Variants in GAS2 observed in about 807,000 individuals in gnomAD.
GAS2 encodes growth arrest-specific protein 2.
A neutral mutation model predicts 37.5 loss-of-function variants in GAS2; 20 were observed. The observed-to-expected ratio is 0.53, with a 90% CI of 0.37 to 0.77. GAS2 has a LOEUF of 0.77. Ranked by LOEUF, GAS2 falls within the 30% of genes least tolerant of loss-of-function variation. GAS2 has a pLI of 0.00. For synonymous variants in GAS2, 144 were observed against 132.2 expected, an observed-to-expected ratio of 1.09 and a Z score of -0.61; for missense variants, 336 against 373.4, an observed-to-expected ratio of 0.90 and a Z score of 0.82.
intron 7 of GAS2, among the ~76,000 whole-genome samples, chr11:22,797,394 C>A (rs1265956275): frequency 6.6e-6 from 1 of 152,056 alleles, no homozygotes; most frequent in East Asian, 1.9e-4. Context: ...AGGCCAGGAA[C>A]TTTTTTCTGT....
intron 1 of GAS2, among the ~76,000 whole-genome samples, chr11:22,629,625 A>G (rs1201841796): frequency 6.6e-6 from 1 of 151,670 alleles, no homozygotes. Context: ...ATGTGTATTC[A>G]TGTCATTTGC....
At chr11:22,658,205 T>A (rs1848876933) in intron 1 of GAS2, among the ~76,000 whole-genome samples, 1 of 152,022 alleles carries the variant, frequency 6.6e-6, no homozygotes, top group Admixed American at 6.6e-5. Flanking sequence ...TTTAAAATAT[T>A]TTTAGTAGAG....
chr11:22,745,576 C>T (rs750554890), intron 5 of GAS2, among the ~76,000 whole-genome samples: 4 of 151,864 alleles, frequency 2.6e-5, no homozygotes, highest in African/African-American at 7.3e-5. Context: ...GCAATTGCAA[C>T]GAAAACAAAA....
intron 3 of GAS2, chr11:22,702,673 G>A (rs1377109319): frequency 6.6e-6 from 1 of 152,104 alleles, no homozygotes; most frequent in Non-Finnish European, 1.5e-5. Context: ...GTAGCTGCTA[G>A]CCTTCTCATA....
intron 5 of GAS2, 70 bp from the exon 6 acceptor site, chr11:22,749,050 T>C (rs2134288436): frequency 2.2e-6 from 3 of 1,394,212 alleles, no homozygotes; most frequent in South Asian, 2.7e-5. Context: ...GTGCTCATCA[T>C]CACATGTAAT....
intron 5 of GAS2, among the ~76,000 whole-genome samples, chr11:22,738,834 T>G (rs906474296): frequency 6.6e-6 from 1 of 152,200 alleles, no homozygotes; most frequent in Non-Finnish European, 1.5e-5. Context: ...GAATTGTGCA[T>G]CGGGTATAAA....
chr11:22,761,807 G>A (rs550093380), intron 7 of GAS2, among the ~76,000 whole-genome samples: 2 of 152,200 alleles, frequency 1.3e-5, no homozygotes, highest in African/African-American at 4.8e-5. Context: ...ACTTCTCAAA[G>A]TTCTAAGGTA....
At chr11:22,734,768 T>C (rs2134209043) in intron 4 of GAS2, among the ~76,000 whole-genome samples, 1 of 151,844 alleles carries the variant, frequency 6.6e-6, no homozygotes, top group South Asian at 2.1e-4. Flanking sequence ...CCTCCCAAAA[T>C]AATATGACCA....
At position 22,731,594 on chromosome 11, in the gene GAS2, T is replaced by C. The variant is rs1314257130; in HGVS notation, c.409+5161T>C. Reference sequence around the variant, plus strand: ...TTTTGCTTCAGGGGCAAACATTGTCTACCTGAAGTAAAAAGGTTTGTGTGT... The same window carrying C: ...TTTTGCTTCAGGGGCAAACATTGTCCACCTGAAGTAAAAAGGTTTGTGTGT... On this transcript the variant is annotated intron_variant, in intron 4 of 7. Transcript: ENST00000454584. Among the ~76,000 whole-genome samples the C allele has an allele frequency of 2.0e-5, 3 of 151,822 alleles. No homozygotes were observed. In the East Asian group the frequency reaches 5.8e-4, roughly 29 times the overall value.
intron 7 of GAS2, among the ~76,000 whole-genome samples, chr11:22,795,305 T>C (rs1389672948): frequency 6.6e-6 from 1 of 152,072 alleles, no homozygotes. Context: ...CTGGGAGGGA[T>C]TAGACTGTAC....
At chr11:22,811,703 C>A in intron 7 of GAS2, 95 bp from the exon 8 acceptor site, 1 of 1,214,574 alleles carries the variant, frequency 8.2e-7, no homozygotes, top group Non-Finnish European at 1.2e-6. Flanking sequence ...TCATGAAATA[C>A]AAACCAAAAC....
chr11:22,751,861 C>A (rs889509876), intron 6 of GAS2, among the ~76,000 whole-genome samples: 1 of 151,902 alleles, frequency 6.6e-6, no homozygotes, highest in Non-Finnish European at 1.5e-5. Context: ...CAATAGTAAG[C>A]CAGTCAGTCA....
At chr11:22,637,263 ATTAATTATATTAATAGTATACTAATAT>A (rs1565060660) in intron 1 of GAS2, among the ~76,000 whole-genome samples, 11 of 82,164 alleles carry the variant, frequency 1.3e-4, no homozygotes, top group African/African-American at 4.0e-4. Context: ...ATACTAATAT[ATTAATTATATTAATAGTATACTAATAT>A]AATATTAATT....
rs552101800 is a variant in GAS2 at position 22,697,296 on chromosome 11, G to T, written c.267+11507G>T. On this transcript the variant is annotated intron_variant, in intron 3 of 7. Transcript: ENST00000454584. Reference sequence around the variant, plus strand: ...TCTGAGGGCTCTGTTCTGTTCCATTGGTCTATATCTCTGTTTTGGTACCAG... The same window carrying T: ...TCTGAGGGCTCTGTTCTGTTCCATTTGTCTATATCTCTGTTTTGGTACCAG... 1.5e-3 allele frequency among the ~76,000 whole-genome samples: 222 copies of T among 151,998 alleles called. 2 individuals carry two copies. Among genetic ancestry groups the T allele is most frequent in the African/African-American group, 4.8e-3 (197 of 41,444 alleles).
intron 2 of GAS2, among the ~76,000 whole-genome samples, chr11:22,680,835 A>G (rs968185185): frequency 2.6e-5 from 4 of 152,296 alleles, no homozygotes; most frequent in Middle Eastern, 3.4e-3. Flanking sequence ...AGTCAAGCAT[A>G]GTGGCTAAAA....
intron 3 of GAS2, among the ~76,000 whole-genome samples, chr11:22,709,562 A>G (rs919365771): frequency 3.9e-5 from 6 of 152,200 alleles, no homozygotes; most frequent in African/African-American, 1.4e-4. Context: ...TAGTGCAGTG[A>G]AGTTAGCAGC....
At position 22,755,912 on chromosome 11, in the gene GAS2, C is replaced by A; in HGVS notation, c.682C>A (p.Gln228Lys). 1 of 1,612,830 alleles carries A rather than the reference C, an allele frequency of 6.2e-7. No homozygotes were observed. The highest frequency in any genetic ancestry group is 8.5e-7 in the Non-Finnish European group (1 of 1,179,104). Reference sequence around the variant, plus strand: ...CAAGTTCTGTGTGGAGCGGCTCTCCCAAGGAAGATACCGAGTGGGAGAAAA... The same window carrying A: ...CAAGTTCTGTGTGGAGCGGCTCTCCAAAGGAAGATACCGAGTGGGAGAAAA... ...PNKFCVERLS[Q>K]GRYRVGEKIL... is the part of the protein sequence containing the mutation. The change falls in exon 7 of 8, where the codon CAA becomes AAA. Residue 228 changes from glutamine (Q) to lysine (K), a missense_variant. Coordinates refer to ENST00000454584, the MANE Select transcript of GAS2 (RefSeq NM_001143830.3).
upstream of GAS2, among the ~76,000 whole-genome samples, chr11:22,663,385 G>A (rs950998147): frequency 6.6e-6 from 1 of 150,740 alleles, no homozygotes; most frequent in Non-Finnish European, 1.5e-5. Flanking sequence ...CCATGGCAAC[G>A]CCACTGCAAT....
rs564698186 is a variant in GAS2, at chr11:22,749,058, A to T, written c.474-62A>T. Reference sequence around the variant, plus strand: ...TCCCATGGTGCTCATCATCACATGTAATATATGGTAATTGTATCATTATAA... The same window carrying T: ...TCCCATGGTGCTCATCATCACATGTTATATATGGTAATTGTATCATTATAA... On this transcript the variant is annotated intron_variant, in intron 5 of 7. Coordinates refer to ENST00000454584, the MANE Select transcript of GAS2 (RefSeq NM_001143830.3). The T allele has an allele frequency of 2.2e-5, 31 of 1,430,670 alleles. No individual in the cohort carries two copies. The South Asian group carries it at 3.8e-4, about 18-fold the overall frequency. 88.6% of individuals were successfully genotyped at this position (1,430,670 alleles called of 1,614,324 possible). A position where few individuals can be genotyped will look rare whatever the true frequency, so the allele number is the denominator to read the frequency against.
Sources: gnomAD v4.1 joint callset for allele counts (sites outside exome capture counted in the v4.1 genomes callset) on GRCh38, gnomAD v4.1.1 for gene constraint, MANE v1.5 for transcripts, NCBI Gene and HGNC (gene_info 2026-07-23, HGNC 2026-07-21) for gene names.